The following MYO16 variants were observed in gnomAD, a reference collection of about 807,000 sequenced individuals.
The protein encoded by MYO16 is myosin XVI.
A neutral mutation model predicts 205.3 loss-of-function variants in MYO16; 94 were observed. The ratio of observed to expected loss-of-function variants is 0.46; its 90% confidence interval spans 0.39 to 0.54. MYO16 has a LOEUF of 0.54. Among genes scored for constraint, MYO16 ranks in the 20% least tolerant of loss-of-function variants. The probability of loss-of-function intolerance (pLI) is 0.00; values close to 1 mark genes in which losing one functional copy is unlikely to be tolerated. For synonymous variants in MYO16, 988 were observed against 954.0 expected (o/e 1.04, Z -0.66); for missense variants, 2,315 against 2,387.5 (o/e 0.97, Z 0.63).
At chr13:108,705,092 A>G (rs1456569882) in intron 2 of MYO16, among the ~76,000 whole-genome samples, 1 of 152,038 alleles carries the variant, frequency 6.6e-6, no homozygotes, top group East Asian at 1.9e-4. Flanking sequence ...AAAAATAAAA[A>G]ATAGAAAATT....
In MYO16 at chr13:108,694,743, C is replaced by A. The variant is rs9671011; in HGVS notation, c.293-17918C>A. Among the ~76,000 whole-genome samples the A allele has an allele frequency of 1.8e-3, 267 of 152,066 alleles. 1 individual carries two copies. The highest frequency in any genetic ancestry group is 6.2e-3 in the African/African-American group (257 of 41,500). ...GAAGTCCAATTTATACATTTTTGTT[C>A]TTTTGTGCTTGTGTTGTTGGTATCA... On this transcript the variant is annotated intron_variant, in intron 2 of 34. Coordinates refer to ENST00000457511, the MANE Select transcript of MYO16 (RefSeq NM_001198950.3).
At chr13:108,618,649 C>T (rs981682223) in intron 1 of MYO16, among the ~76,000 whole-genome samples, 2 of 152,168 alleles carry the variant, frequency 1.3e-5, no homozygotes, top group African/African-American at 4.8e-5. Flanking sequence ...GCAGTGACTG[C>T]CCCTTATTTG....
chr13:108,971,349 T>TTATATATA (rs60564701), intron 20 of MYO16, among the ~76,000 whole-genome samples: 8,343 of 143,906 alleles, frequency 0.058, 275 homozygotes, highest in Non-Finnish European at 0.081. Flanking sequence ...TGTGTGTTGA[T>TTATATATA]TATATATATA....
chr13:108,949,403 G>A (rs140417560), intron 16 of MYO16, among the ~76,000 whole-genome samples: 40 of 152,148 alleles, frequency 2.6e-4, no homozygotes, highest in African/African-American at 8.7e-4. Flanking sequence ...TATTAACAGT[G>A]AACGTGTGAA....
the MYO16 span, among the ~76,000 whole-genome samples, chr13:108,507,239 C>T: frequency 3.1e-3 from 479 of 152,164 alleles, 3 homozygotes; most frequent in African/African-American, 9.2e-3. Context: ...TACAGGCTTT[C>T]GTATTGCTAT....
At chr13:108,774,031 C>T (rs1886050827) in intron 4 of MYO16, among the ~76,000 whole-genome samples, 1 of 152,094 alleles carries the variant, frequency 6.6e-6, no homozygotes, top group African/African-American at 2.4e-5. Context: ...GAGGAGGTTG[C>T]AGTGACCCGA....
At chr13:108,505,188 T>C in the MYO16 span, among the ~76,000 whole-genome samples, 1 of 152,230 alleles carries the variant, frequency 6.6e-6, no homozygotes, top group South Asian at 2.1e-4. Context: ...GTAGGATTCC[T>C]GGATCATATG....
chr13:108,798,831 G>A (rs1041764946), intron 6 of MYO16, among the ~76,000 whole-genome samples: 1 of 143,234 alleles, frequency 7.0e-6, no homozygotes, highest in Non-Finnish European at 1.5e-5. Flanking sequence ...TCAGCCTCCC[G>A]AGTAGCTGGG....
intron 5 of MYO16, 69 bp from the exon 6 acceptor site, chr13:108,793,447 C>G (rs781299564): frequency 7.4e-6 from 11 of 1,490,920 alleles, no homozygotes; most frequent in Non-Finnish European, 1.0e-5. Context: ...GGTTATAAAG[C>G]TAGGCTTTGA....
At chr13:108,831,543 G>A (rs763416089) in intron 9 of MYO16, among the ~76,000 whole-genome samples, 3 of 151,984 alleles carry the variant, frequency 2.0e-5, no homozygotes, top group East Asian at 1.9e-4. Context: ...ACAGAGTTTC[G>A]CTCTTGTTGC....
At chr13:108,640,798 G>C (rs1037819128) in intron 1 of MYO16, among the ~76,000 whole-genome samples, 2 of 152,180 alleles carry the variant, frequency 1.3e-5, no homozygotes, top group African/African-American at 4.8e-5. Flanking sequence ...ACAACCATAA[G>C]AGCAACAAGA....
At chr13:108,792,797 C>G (rs1008463311) in intron 5 of MYO16, among the ~76,000 whole-genome samples, 2 of 151,920 alleles carry the variant, frequency 1.3e-5, no homozygotes, top group African/African-American at 4.8e-5. Context: ...CAGGTGTGAC[C>G]CACAGTGCCC....
intron 23 of MYO16, among the ~76,000 whole-genome samples, chr13:109,036,176 A>G (rs924633480): frequency 2.0e-5 from 3 of 152,186 alleles, no homozygotes; most frequent in East Asian, 1.9e-4. Context: ...AAGTAAGCCA[A>G]TTGCTCTTGC....
intron 27 of MYO16, among the ~76,000 whole-genome samples, chr13:109,076,224 G>A (rs1251069343): frequency 6.6e-6 from 1 of 152,010 alleles, no homozygotes; most frequent in Non-Finnish European, 1.5e-5. Context: ...GTTGTTTTCT[G>A]TTCAAACAAT....
At chr13:109,151,406 A>T (rs1179963606) in intron 32 of MYO16, among the ~76,000 whole-genome samples, 2 of 152,198 alleles carry the variant, frequency 1.3e-5, no homozygotes, top group Non-Finnish European at 2.9e-5. Context: ...AATATGATTC[A>T]TTTCTCTCCT....
At chr13:108,887,944 C>T (rs764280268) in intron 13 of MYO16, among the ~76,000 whole-genome samples, 6 of 152,094 alleles carry the variant, frequency 3.9e-5, no homozygotes, top group South Asian at 4.1e-4. Flanking sequence ...CTCAACACAG[C>T]ATGCTGTCTC....
chr13:109,190,353 C>T (rs12856549), intron 34 of MYO16, among the ~76,000 whole-genome samples: 2,442 of 152,286 alleles, frequency 0.016, 26 homozygotes, highest in Non-Finnish European at 0.027. Context: ...GCTTCTGCTT[C>T]CTCCTAACAC....
chr13:108,592,728 C>CTG (rs55845447), upstream of MYO16, among the ~76,000 whole-genome samples: 156 of 139,042 alleles, frequency 1.1e-3, 1 homozygote, highest in Middle Eastern at 3.5e-3. Flanking sequence ...GTGAGGGTGG[C>CTG]TGTGTGTGTG....
intron 2 of MYO16, among the ~76,000 whole-genome samples, chr13:108,687,068 A>G (rs1441274190): frequency 2.0e-5 from 3 of 152,344 alleles, no homozygotes; most frequent in South Asian, 2.1e-4. Flanking sequence ...TTTAAAAGGG[A>G]GCTATATAAC....
Sources: gnomAD v4.1 joint callset for allele counts (sites outside exome capture counted in the v4.1 genomes callset) on GRCh38, gnomAD v4.1.1 for gene constraint, MANE v1.5 for transcripts, NCBI Gene and HGNC (gene_info 2026-07-23, HGNC 2026-07-21) for gene names.